The following SUGCT variants were observed in gnomAD, a reference collection of about 807,000 sequenced individuals.
The protein encoded by SUGCT is succinyl-CoA:glutarate CoA-transferase.
A neutral mutation model predicts 55.0 loss-of-function variants in SUGCT; 41 were observed. The ratio of observed to expected loss-of-function variants is 0.74; its 90% CI spans 0.58 to 0.97. The LOEUF is 0.97. SUGCT is among the 50% of genes least tolerant of loss of function. The probability of loss-of-function intolerance (pLI) is 0.00; values close to 1 mark genes in which losing one functional copy is unlikely to be tolerated. For missense variants in SUGCT, 568 were observed against 547.8 expected (o/e 1.04, Z -0.37); for synonymous variants, 187 against 200.4 (o/e 0.93, Z 0.56).
At chr7:40,435,995 G>A (rs949943963) in intron 9 of SUGCT, among the ~76,000 whole-genome samples, 5 of 143,686 alleles carry the variant, frequency 3.5e-5, no homozygotes, top group Non-Finnish European at 7.5e-5. Context: ...CCAGGCTGGA[G>A]TACAGTGGCA....
chr7:40,958,421 C>G, the SUGCT span, among the ~76,000 whole-genome samples: 9 of 151,726 alleles, frequency 5.9e-5, no homozygotes, highest in African/African-American at 2.2e-4. Context: ...GGATTTTCAA[C>G]CTCGATATCC....
intron 10 of SUGCT, among the ~76,000 whole-genome samples, chr7:40,454,306 T>C (rs1279525781): frequency 6.6e-6 from 1 of 152,242 alleles, no homozygotes; most frequent in Non-Finnish European, 1.5e-5. Flanking sequence ...TAAATGCCCG[T>C]AGATTTAGTA....
the SUGCT span, among the ~76,000 whole-genome samples, chr7:40,983,163 G>C: frequency 0.74 from 112,823 of 152,070 alleles, 42,249 homozygotes; most frequent in Middle Eastern, 0.83. Context: ...TGTTTTATCC[G>C]TCTTGTGTTC....
intron 3 of SUGCT, among the ~76,000 whole-genome samples, chr7:40,183,931 TG>T (rs1223825102): frequency 2.6e-5 from 4 of 152,166 alleles, no homozygotes; most frequent in African/African-American, 9.7e-5. Flanking sequence ...CCCAACATTT[TG>T]GGAGGACGAG....
intron 6 of SUGCT, among the ~76,000 whole-genome samples, chr7:40,207,660 T>C (rs1341986158): frequency 6.6e-6 from 1 of 151,806 alleles, no homozygotes; most frequent in Non-Finnish European, 1.5e-5. Flanking sequence ...CTACCAAAAA[T>C]ACAAAAATTA....
chr7:40,862,359 GT>G (rs1038022613), downstream of SUGCT, among the ~76,000 whole-genome samples: 1 of 152,164 alleles, frequency 6.6e-6, no homozygotes, highest in African/African-American at 2.4e-5. Context: ...GAACCTACTG[GT>G]CACCCAACAG....
At chr7:40,566,116 C>A (rs978978346) in intron 12 of SUGCT, among the ~76,000 whole-genome samples, 25 of 152,032 alleles carry the variant, frequency 1.6e-4, no homozygotes, top group African/African-American at 5.3e-4. Context: ...TCCCATGGAG[C>A]GTCTACAGTG....
chr7:40,222,954 CACA>C (rs1788100586), intron 6 of SUGCT, among the ~76,000 whole-genome samples: 1 of 151,948 alleles, frequency 6.6e-6, no homozygotes, highest in Non-Finnish European at 1.5e-5. Context: ...TTGGCACAAG[CACA>C]CATCTTATTT....
At chr7:40,980,313 C>T in the SUGCT span, among the ~76,000 whole-genome samples, 1 of 152,174 alleles carries the variant, frequency 6.6e-6, no homozygotes, top group Non-Finnish European at 1.5e-5. Flanking sequence ...GACTTTGGTA[C>T]ATAAATATTG....
chr7:40,706,065 A>C (rs910506696), intron 12 of SUGCT, among the ~76,000 whole-genome samples: 1 of 152,196 alleles, frequency 6.6e-6, no homozygotes, highest in Non-Finnish European at 1.5e-5. Context: ...AGGGCTCAGC[A>C]TTGTCTAGTA....
At chr7:40,681,120 G>A (rs781606622) in intron 12 of SUGCT, among the ~76,000 whole-genome samples, 2 of 152,044 alleles carry the variant, frequency 1.3e-5, no homozygotes, top group African/African-American at 4.8e-5. Context: ...CCTAAAAGCC[G>A]GAATCTCCAG....
At chr7:40,982,519 C>T in the SUGCT span, among the ~76,000 whole-genome samples, 2 of 152,144 alleles carry the variant, frequency 1.3e-5, no homozygotes, top group African/African-American at 2.4e-5. Context: ...TTTATTTTCT[C>T]ACAGTTCTGG....
chr7:40,410,509 T>C (rs1405997352), intron 9 of SUGCT, among the ~76,000 whole-genome samples: 1 of 152,200 alleles, frequency 6.6e-6, no homozygotes, highest in Non-Finnish European at 1.5e-5. Context: ...ATAATTATTA[T>C]ACCATTTTAT....
At chr7:40,887,590 G>A in the SUGCT span, among the ~76,000 whole-genome samples, 1 of 152,184 alleles carries the variant, frequency 6.6e-6, no homozygotes, top group African/African-American at 2.4e-5. Context: ...AGAATACACA[G>A]GGGTGAGAAG....
chr7:40,812,993 C>A (rs1163034027), intron 13 of SUGCT, among the ~76,000 whole-genome samples: 1 of 151,976 alleles, frequency 6.6e-6, no homozygotes, highest in Non-Finnish European at 1.5e-5. Context: ...CATTCAGGGG[C>A]AAGTTCTTTC....
At chr7:40,404,911 G>C (rs1211096530) in intron 9 of SUGCT, among the ~76,000 whole-genome samples, 1 of 152,134 alleles carries the variant, frequency 6.6e-6, no homozygotes, top group Non-Finnish European at 1.5e-5. Flanking sequence ...AGCAGTGCTG[G>C]GAATAGTGGT....
At chr7:40,797,338 A>T (rs1377649503) in intron 13 of SUGCT, among the ~76,000 whole-genome samples, 1 of 152,186 alleles carries the variant, frequency 6.6e-6, no homozygotes, top group Non-Finnish European at 1.5e-5. Flanking sequence ...TAATTTGGAA[A>T]ATATGATCAC....
At chr7:40,222,692 A>G (rs1183303043) in intron 6 of SUGCT, among the ~76,000 whole-genome samples, 1 of 152,096 alleles carries the variant, frequency 6.6e-6, no homozygotes, top group Non-Finnish European at 1.5e-5. Context: ...AAATACAAAA[A>G]TTAGCTGGGT....
At chr7:41,022,626 C>T in the SUGCT span, among the ~76,000 whole-genome samples, 1 of 151,952 alleles carries the variant, frequency 6.6e-6, no homozygotes, top group Non-Finnish European at 1.5e-5. Flanking sequence ...AACTAGAATG[C>T]TAGAAAAGAG....
Sources: gnomAD v4.1 joint callset for allele counts (sites outside exome capture counted in the v4.1 genomes callset) on GRCh38, gnomAD v4.1.1 for gene constraint, MANE v1.5 for transcripts, NCBI Gene and HGNC (gene_info 2026-07-23, HGNC 2026-07-21) for gene names.